The following PTPRT variants were observed in gnomAD, a reference collection of about 807,000 sequenced individuals.
The protein encoded by PTPRT is protein tyrosine phosphatase receptor type T.
Under a neutral mutation model 176.8 loss-of-function variants are expected in PTPRT, and 56 were observed. That is an observed-to-expected ratio of 0.32 (90% CI 0.26 to 0.40). The LOEUF (loss-of-function observed/expected upper bound fraction) is 0.40. Among genes scored for constraint, PTPRT ranks in the 10% least tolerant of loss-of-function variants. The probability of loss-of-function intolerance (pLI) is 1.00; values close to 1 mark genes in which losing one functional copy is unlikely to be tolerated. For missense variants in PTPRT, 1,540 were observed against 1,908.2 expected (o/e 0.81, Z 3.60); for synonymous variants, 783 against 739.0 (o/e 1.06, Z -0.96).
intron 7 of PTPRT, among the ~76,000 whole-genome samples, chr20:42,656,337 T>G (rs927963243): frequency 1.3e-5 from 2 of 152,102 alleles, no homozygotes; most frequent in Non-Finnish European, 2.9e-5. Context: ...CTGCAAATAT[T>G]TGACATGTGT....
At chr20:42,054,961 AG>A in the PTPRT span, among the ~76,000 whole-genome samples, 22 of 152,344 alleles carry the variant, frequency 1.4e-4, no homozygotes, top group Admixed American at 1.4e-3. Context: ...ACTGTAGAAA[AG>A]GAATCGTTTT....
intron 21 of PTPRT, among the ~76,000 whole-genome samples, chr20:42,117,676 T>G (rs1048568606): frequency 2.6e-5 from 4 of 152,112 alleles, no homozygotes; most frequent in African/African-American, 9.7e-5. Flanking sequence ...ATTGACAATA[T>G]CACTATTGGT....
rs549437295 is a variant in PTPRT, at chr20:42,977,282, C to G, written c.89-91350G>C. ...TCTTGTGAAGACCTACATTTGCTCC[C>G]ATTTTATAGACAAAAAGAGTCAAGA... On this transcript the variant is annotated intron_variant, in intron 1 of 30. Transcript: ENST00000373187. Among the ~76,000 whole-genome samples the G allele has an allele frequency of 2.6e-5, 4 of 152,190 alleles. No homozygotes were observed. In the South Asian group the frequency reaches 8.3e-4, roughly 32 times the overall value.
chr20:42,379,570 G>A (rs79217304), intron 9 of PTPRT, among the ~76,000 whole-genome samples: 11,736 of 152,206 alleles, frequency 0.077, 491 homozygotes, highest in African/African-American at 0.11. Context: ...GCAGGAGCTC[G>A]GTCTCCAGCT....
intron 7 of PTPRT, among the ~76,000 whole-genome samples, chr20:42,479,720 A>G (rs1357731979): frequency 6.6e-6 from 1 of 152,224 alleles, no homozygotes; most frequent in African/African-American, 2.4e-5. Context: ...TGCCAGCATG[A>G]TGCTCAAAGG....
intron 2 of PTPRT, among the ~76,000 whole-genome samples, chr20:42,880,720 G>A (rs1600511477): frequency 6.6e-6 from 1 of 152,328 alleles, no homozygotes; most frequent in South Asian, 2.1e-4. Flanking sequence ...GTGAGTGAGT[G>A]TACTAACCCC....
intron 1 of PTPRT, among the ~76,000 whole-genome samples, chr20:43,124,165 G>C (rs372497385): frequency 1.3e-5 from 2 of 152,232 alleles, no homozygotes; most frequent in Admixed American, 6.5e-5. Context: ...TTTTCCAAAT[G>C]GGAATTTAAT....
chr20:42,181,555 A>G (rs1990526764), intron 16 of PTPRT, among the ~76,000 whole-genome samples: 1 of 152,186 alleles, frequency 6.6e-6, no homozygotes, highest in Non-Finnish European at 1.5e-5. Context: ...AAAATCTAAG[A>G]GTAACCCTAG....
chr20:43,000,658 A>C (rs1984511695), intron 1 of PTPRT, among the ~76,000 whole-genome samples: 2 of 152,242 alleles, frequency 1.3e-5, no homozygotes, highest in African/African-American at 2.4e-5. Flanking sequence ...AGATTATCAA[A>C]TAGAATGCAG....
chr20:42,191,120 A>G (rs1488238456), intron 16 of PTPRT, among the ~76,000 whole-genome samples: 1 of 152,094 alleles, frequency 6.6e-6, no homozygotes, highest in Non-Finnish European at 1.5e-5. Context: ...AGTAATTCCT[A>G]CATTTCAAGG....
At chr20:42,538,225 C>T (rs1601221276) in intron 7 of PTPRT, among the ~76,000 whole-genome samples, 2 of 152,310 alleles carry the variant, frequency 1.3e-5, no homozygotes, top group African/African-American at 4.8e-5. Context: ...GTCTACCTTG[C>T]AACCCTACTC....
intron 7 of PTPRT, among the ~76,000 whole-genome samples, chr20:42,635,809 C>CAGATGG (rs2074584628): frequency 6.6e-6 from 1 of 152,008 alleles, no homozygotes; most frequent in Non-Finnish European, 1.5e-5. Flanking sequence ...GAACGAGATC[C>CAGATGG]AGATGGAGTT....
Position 42,344,028 on chromosome 20 carries a change from T to C in PTPRT, c.1865+6600A>G, listed in dbSNP as rs1454477390. 5.3e-5 allele frequency among the ~76,000 whole-genome samples: 8 copies of C among 152,344 alleles called. 1 individual carries two copies. In the South Asian group the frequency reaches 8.3e-4, roughly 16 times the overall value. ...GATTCTAGTGCCTCAGCCTCTCAAC[T>C]AGCTGGAATTACAGGTACCTGCCAC... is the stretch of plus-strand genomic sequence containing the variant. On this transcript the variant is annotated intron_variant, in intron 11 of 30. Coordinates refer to ENST00000373187, the MANE Select transcript of PTPRT (RefSeq NM_007050.6).
intron 1 of PTPRT, among the ~76,000 whole-genome samples, chr20:42,907,274 C>A (rs2079490496): frequency 6.6e-6 from 1 of 152,036 alleles, no homozygotes; most frequent in Admixed American, 6.5e-5. Context: ...GAAGAGAAAG[C>A]CACACAGAGA....
At position 42,472,483 on chromosome 20, in the gene PTPRT, G is replaced by A. The variant is rs753498956; in HGVS notation, c.1233C>T (p.Gly411=). 2.5e-6 allele frequency: 4 copies of A among 1,614,262 alleles called. No individual in the cohort carries two copies. In the Admixed American group the frequency reaches 6.7e-5, roughly 27 times the overall value. ...RQLTLQWEPF[G]YAVTRCHSYN... Reference sequence around the variant, plus strand: ...AGCTATGGCAGCGGGTCACCGCGTAGCCGAAGGGCTCCCACTGCAGGGTCA... The same window carrying A: ...AGCTATGGCAGCGGGTCACCGCGTAACCGAAGGGCTCCCACTGCAGGGTCA... Residue 411 remains glycine, a synonymous_variant, in exon 8 of 31, where the codon GGC becomes GGT. Coordinates refer to ENST00000373187, the MANE Select transcript of PTPRT (RefSeq NM_007050.6).
intron 9 of PTPRT, among the ~76,000 whole-genome samples, chr20:42,364,937 C>T (rs2058493222): frequency 6.6e-6 from 1 of 152,172 alleles, no homozygotes; most frequent in Non-Finnish European, 1.5e-5. Flanking sequence ...GGGTACAAAT[C>T]CTGATGCTTC....
intron 9 of PTPRT, among the ~76,000 whole-genome samples, chr20:42,415,752 G>C (rs2059060453): frequency 6.6e-6 from 1 of 152,194 alleles, no homozygotes; most frequent in Non-Finnish European, 1.5e-5. Flanking sequence ...AGCACAACTA[G>C]TTAGCTATCT....
At chr20:42,045,699 C>T in the PTPRT span, among the ~76,000 whole-genome samples, 3 of 151,666 alleles carry the variant, frequency 2.0e-5, no homozygotes, top group African/African-American at 2.4e-5. Flanking sequence ...TCCCAGTTTA[C>T]AGATGAGGAA....
chr20:42,435,125 T>C (rs540378463), intron 9 of PTPRT, among the ~76,000 whole-genome samples: 38 of 149,808 alleles, frequency 2.5e-4, no homozygotes, highest in Admixed American at 1.3e-3. Flanking sequence ...AGAGATGAGC[T>C]ATGTATATAT....
Sources: gnomAD v4.1 joint callset for allele counts (sites outside exome capture counted in the v4.1 genomes callset) on GRCh38, gnomAD v4.1.1 for gene constraint, MANE v1.5 for transcripts, NCBI Gene and HGNC (gene_info 2026-07-23, HGNC 2026-07-21) for gene names.